The following DCDC1 variants were observed in gnomAD, a reference collection of about 807,000 sequenced individuals.
DCDC1 encodes doublecortin domain containing 1, also known as doublecortin domain-containing protein 1.
In DCDC1, 200 loss-of-function variants were observed where a neutral mutation model predicts 178.3. The observed-to-expected ratio is 1.12, with a 90% CI of 1.00 to 1.26. The LOEUF is 1.26. Ranked by LOEUF, DCDC1 falls within the 50% of genes most tolerant of loss-of-function variation. The pLI is 0.00. For synonymous variants in DCDC1, 690 were observed against 604.8 expected (o/e 1.14, Z -2.07); for missense variants, 1,983 against 1,749.2 (o/e 1.13, Z -2.38).
intron 3 of DCDC1, among the ~76,000 whole-genome samples, chr11:31,308,565 A>G (rs112793619): frequency 2.0e-5 from 3 of 152,126 alleles, no homozygotes; most frequent in Non-Finnish European, 4.4e-5. Context: ...ACTGAGGGTC[A>G]CACATTCCAG....
intron 9 of DCDC1, among the ~76,000 whole-genome samples, chr11:31,201,988 TA>T (rs1417892457): frequency 1.3e-5 from 2 of 152,252 alleles, no homozygotes; most frequent in Non-Finnish European, 2.9e-5. Flanking sequence ...TATTTGCTTT[TA>T]AAAAGATCAA....
intron 20 of DCDC1, among the ~76,000 whole-genome samples, chr11:31,038,497 T>C (rs1954227246): frequency 6.6e-6 from 1 of 152,212 alleles, no homozygotes; most frequent in African/African-American, 2.4e-5. Context: ...GAGGAGACTC[T>C]GGGATTAAAA....
intron 17 of DCDC1, among the ~76,000 whole-genome samples, chr11:31,087,760 T>C (rs1005981690): frequency 6.6e-6 from 1 of 152,170 alleles, no homozygotes; most frequent in Non-Finnish European, 1.5e-5. Context: ...ACTATTTTGG[T>C]TAACATGCTA....
At chr11:30,918,252 A>G (rs565073089) in intron 25 of DCDC1, among the ~76,000 whole-genome samples, 1 of 152,268 alleles carries the variant, frequency 6.6e-6, no homozygotes, top group East Asian at 1.9e-4. Flanking sequence ...TTCCTGGCAA[A>G]TGAGGTATAG....
chr11:31,162,818 C>T (rs974352291), intron 9 of DCDC1, among the ~76,000 whole-genome samples: 3 of 152,172 alleles, frequency 2.0e-5, no homozygotes, highest in East Asian at 1.9e-4. Flanking sequence ...AGATATATTC[C>T]CTACTTTATA....
chr11:30,874,341 A>C (rs1941922082), intron 38 of DCDC1, among the ~76,000 whole-genome samples: 1 of 152,192 alleles, frequency 6.6e-6, no homozygotes, highest in South Asian at 2.1e-4. Flanking sequence ...CTAGCACACC[A>C]GGTGTTTCTT....
chr11:31,037,343 A>G (rs1211892788), intron 20 of DCDC1, among the ~76,000 whole-genome samples: 2 of 152,184 alleles, frequency 1.3e-5, no homozygotes, highest in South Asian at 2.1e-4. Context: ...AGATGTGCCC[A>G]TTAGCAGCTT....
intron 9 of DCDC1, among the ~76,000 whole-genome samples, chr11:31,227,158 C>G (rs1213285036): frequency 6.6e-6 from 1 of 152,002 alleles, no homozygotes. Flanking sequence ...TTTTGCATTG[C>G]TATAAAGGAA....
chr11:31,277,184 A>G (rs2137236670), intron 7 of DCDC1, among the ~76,000 whole-genome samples: 1 of 152,156 alleles, frequency 6.6e-6, no homozygotes, highest in East Asian at 1.9e-4. Flanking sequence ...TTTTCACTAG[A>G]GAATAGTTCG....
At chr11:31,130,086 G>A (rs1230169930) in intron 10 of DCDC1, among the ~76,000 whole-genome samples, 2 of 152,170 alleles carry the variant, frequency 1.3e-5, no homozygotes, top group Non-Finnish European at 2.9e-5. Context: ...AGGATACTCA[G>A]ATAATTAATA....
intron 20 of DCDC1, among the ~76,000 whole-genome samples, chr11:31,002,567 C>G (rs979464646): frequency 5.3e-5 from 8 of 152,058 alleles, no homozygotes; most frequent in Non-Finnish European, 7.4e-5. Context: ...AGAAAATCAA[C>G]AGTTTAGGGA....
At chr11:31,140,142 T>C (rs987326971) in intron 9 of DCDC1, among the ~76,000 whole-genome samples, 1 of 152,198 alleles carries the variant, frequency 6.6e-6, no homozygotes, top group African/African-American at 2.4e-5. Flanking sequence ...TCACCTTTAA[T>C]GAGAATATCC....
At chr11:30,977,872 ATGAGCCAAGAT>A (rs1255515416) in intron 20 of DCDC1, among the ~76,000 whole-genome samples, 3 of 152,184 alleles carry the variant, frequency 2.0e-5, no homozygotes. Context: ...CAAGGCTGAA[ATGAGCCAAGAT>A]TGTGCCACTG....
intron 20 of DCDC1, among the ~76,000 whole-genome samples, chr11:30,971,114 T>C (rs1949752400): frequency 6.6e-6 from 1 of 152,128 alleles, no homozygotes; most frequent in African/African-American, 2.4e-5. Context: ...ATCACAGACA[T>C]TACTGACCCA....
intron 12 of DCDC1, 81 bp downstream of exon 12, chr11:31,110,179 C>A: frequency 3.2e-6 from 2 of 629,996 alleles, no homozygotes; most frequent in South Asian, 1.8e-5. Context: ...CTGCAAACAA[C>A]TTTAAGATGT....
intron 9 of DCDC1, among the ~76,000 whole-genome samples, chr11:31,156,973 G>A: frequency 6.6e-6 from 1 of 152,118 alleles, no homozygotes; most frequent in East Asian, 1.9e-4. Context: ...AATGAAAGTA[G>A]ATGATAAAAA....
intron 11 of DCDC1, among the ~76,000 whole-genome samples, chr11:31,121,538 T>G (rs913850788): frequency 3.3e-5 from 5 of 151,016 alleles, no homozygotes; most frequent in African/African-American, 1.2e-4. Context: ...TTTCTAACGT[T>G]AAGACCAAAC....
chr11:31,173,357 G>A (rs1967511641), intron 9 of DCDC1, among the ~76,000 whole-genome samples: 1 of 151,966 alleles, frequency 6.6e-6, no homozygotes, highest in African/African-American at 2.4e-5. Context: ...TAAAATAAGA[G>A]TTTCACATTT....
At position 31,347,295 on chromosome 11, in the gene DCDC1, T is replaced by C. The variant is rs373790606; in HGVS notation, c.-124-11731A>G. On this transcript the variant is annotated intron_variant, in intron 1 of 38. Coordinates refer to ENST00000684477, the MANE Select transcript of DCDC1 (RefSeq NM_001387274.1). ...GTGAACTAGGTGCTTAAGACTGCCATAGAATCACCATAATTTAACACTCCT... is the reference window on the plus strand; with the variant it reads ...GTGAACTAGGTGCTTAAGACTGCCACAGAATCACCATAATTTAACACTCCT... Among the ~76,000 whole-genome samples the C allele has an allele frequency of 7.7e-4, 118 of 152,284 alleles. 4 individuals carry two copies. The South Asian group carries it at 0.023, about 29-fold the overall frequency.
Sources: gnomAD v4.1 joint callset for allele counts (sites outside exome capture counted in the v4.1 genomes callset) on GRCh38, gnomAD v4.1.1 for gene constraint, MANE v1.5 for transcripts, NCBI Gene and HGNC (gene_info 2026-07-23, HGNC 2026-07-21) for gene names.